Variants in SCHIP1 observed in about 807,000 individuals in gnomAD.
SCHIP1 encodes schwannomin-interacting protein 1.
SCHIP1 carries 8 observed loss-of-function variants against 29.7 expected under a neutral mutation model. The observed-to-expected ratio is 0.27, with a 90% CI of 0.16 to 0.49. SCHIP1 has a LOEUF of 0.49. Among genes scored for constraint, SCHIP1 ranks in the 20% least tolerant of loss-of-function variants. The pLI, the probability that SCHIP1 is intolerant of heterozygous loss-of-function variation, is 0.99. For synonymous variants in SCHIP1, 76 were observed against 94.9 expected (o/e 0.80, Z 1.16); for missense variants, 193 against 294.6 (o/e 0.66, Z 2.52).
At chr3:159,506,660 GA>G in the SCHIP1 span, among the ~76,000 whole-genome samples, 1 of 152,158 alleles carries the variant, frequency 6.6e-6, no homozygotes, top group Non-Finnish European at 1.5e-5. Flanking sequence ...ATAAGGAAGG[GA>G]TCCAGTTTCA....
chr3:159,468,628 TAATAA>T, the SCHIP1 span, among the ~76,000 whole-genome samples: 1 of 149,980 alleles, frequency 6.7e-6, no homozygotes, highest in African/African-American at 2.4e-5. Context: ...TAAAATAAAA[TAATAA>T]AATAAAATTA....
the SCHIP1 span, among the ~76,000 whole-genome samples, chr3:159,614,784 T>C: frequency 6.6e-6 from 1 of 152,216 alleles, no homozygotes; most frequent in African/African-American, 2.4e-5. Flanking sequence ...ACTTGATCCC[T>C]AAAAATAAAA....
At chr3:159,399,017 C>G in the SCHIP1 span, 1 of 854,748 alleles carries the variant, frequency 1.2e-6, no homozygotes, top group Non-Finnish European at 1.4e-6. Flanking sequence ...ACCTTATATT[C>G]TAGTGCCCAC....
the SCHIP1 span, among the ~76,000 whole-genome samples, chr3:159,831,420 C>T: frequency 7.9e-5 from 12 of 152,190 alleles, no homozygotes; most frequent in African/African-American, 2.9e-4. Context: ...CCAGGACCCT[C>T]GGAGGATGCC....
the SCHIP1 span, among the ~76,000 whole-genome samples, chr3:159,323,975 A>G: frequency 6.6e-6 from 1 of 152,094 alleles, no homozygotes; most frequent in Non-Finnish European, 1.5e-5. Context: ...TTAATCAATA[A>G]CTGGCCCTTT....
the SCHIP1 span, chr3:159,274,804 T>C: frequency 2.9e-5 from 19 of 665,104 alleles, no homozygotes; most frequent in Non-Finnish European, 3.2e-5. Context: ...GTTTGGAACA[T>C]TTATTTATGC....
the SCHIP1 span, among the ~76,000 whole-genome samples, chr3:159,468,777 A>T: frequency 0.38 from 47,830 of 126,966 alleles, 9,176 homozygotes; most frequent in South Asian, 0.45. Context: ...ATATATATAT[A>T]TTTTTTTTAG....
the SCHIP1 span, chr3:159,764,308 C>T: frequency 9.1e-7 from 1 of 1,101,176 alleles, no homozygotes; most frequent in Non-Finnish European, 1.2e-6. This position sits in a 1 kb window ranked among gnomAD's most constrained non-coding sequence, Gnocchi z 6.1. Flanking sequence ...CTCCCGCCCC[C>T]AGGCCTCCTT....
At chr3:159,312,258 A>G in the SCHIP1 span, among the ~76,000 whole-genome samples, 1 of 152,138 alleles carries the variant, frequency 6.6e-6, no homozygotes, top group African/African-American at 2.4e-5. Context: ...GTGGCATAAG[A>G]CCATAAATGT....
At chr3:159,384,276 A>G in the SCHIP1 span, among the ~76,000 whole-genome samples, 1 of 151,628 alleles carries the variant, frequency 6.6e-6, no homozygotes, top group South Asian at 2.1e-4. Context: ...ATTTTGAGAT[A>G]CGTCCCATCA....
At chr3:159,342,270 C>A in the SCHIP1 span, among the ~76,000 whole-genome samples, 1 of 152,050 alleles carries the variant, frequency 6.6e-6, no homozygotes, top group East Asian at 1.9e-4. Flanking sequence ...GAAGCTAACA[C>A]GTTAATTTTG....
the SCHIP1 span, among the ~76,000 whole-genome samples, chr3:159,545,663 T>G: frequency 2.7e-5 from 4 of 147,882 alleles, no homozygotes; most frequent in Non-Finnish European, 5.9e-5. Context: ...ACAAGATATA[T>G]ATGTATATAA....
the SCHIP1 span, among the ~76,000 whole-genome samples, chr3:159,622,360 T>G: frequency 1.3e-5 from 2 of 152,220 alleles, no homozygotes; most frequent in African/African-American, 4.8e-5. Flanking sequence ...AAGATAATTA[T>G]ATAAACAAAT....
At chr3:159,883,379 G>A (rs555260860) in intron 2 of SCHIP1, among the ~76,000 whole-genome samples, 54 of 152,192 alleles carry the variant, frequency 3.5e-4, no homozygotes, top group African/African-American at 5.1e-4. Flanking sequence ...GAGGCCCGGG[G>A]AACTGTGGTT....
the SCHIP1 span, among the ~76,000 whole-genome samples, chr3:159,425,578 C>T: frequency 6.6e-6 from 1 of 152,130 alleles, no homozygotes; most frequent in Non-Finnish European, 1.5e-5. Flanking sequence ...CTTAGACTCC[C>T]ACACATTAAT....
At chr3:159,762,688 G>A in the SCHIP1 span, among the ~76,000 whole-genome samples, 1 of 152,212 alleles carries the variant, frequency 6.6e-6, no homozygotes, top group Admixed American at 6.5e-5. Flanking sequence ...TTGGTTCACA[G>A]GAAATCCTTA....
chr3:159,847,453 A>C (rs1026810391), intron 1 of SCHIP1, among the ~76,000 whole-genome samples: 1 of 152,202 alleles, frequency 6.6e-6, no homozygotes, highest in African/African-American at 2.4e-5. Flanking sequence ...AACTTCCTGA[A>C]ATAGAAAGTA....
chr3:159,893,151 T>C (rs968419876), intron 6 of SCHIP1: 5 of 152,244 alleles, frequency 3.3e-5, no homozygotes, highest in Non-Finnish European at 7.3e-5. Flanking sequence ...AATTGTCTAA[T>C]GCTGCAATGA....
the SCHIP1 span, among the ~76,000 whole-genome samples, chr3:159,759,252 G>A: frequency 5.3e-5 from 8 of 152,148 alleles, no homozygotes; most frequent in East Asian, 1.9e-4. Context: ...GTATCTACAC[G>A]TATAGACTAG....
Sources: allele counts gnomAD v4.1 joint callset (sites outside exome capture counted in the v4.1 genomes callset), GRCh38; gene constraint gnomAD v4.1.1; non-coding constraint Gnocchi (gnomAD v3.1); transcripts MANE v1.5; gene names NCBI Gene and HGNC (gene_info 2026-07-23, HGNC 2026-07-21).